Variants in LAMC3 observed in about 807,000 individuals in gnomAD.
LAMC3 encodes laminin subunit gamma-3.
Under a neutral mutation model 173.8 loss-of-function variants are expected in LAMC3, and 128 were observed. That is an observed-to-expected ratio of 0.74 (90% confidence interval 0.64 to 0.85). The LOEUF (loss-of-function observed/expected upper bound fraction) is 0.85. Among genes scored for constraint, LAMC3 ranks in the 40% least tolerant of loss-of-function variants. LAMC3 has a pLI of 0.00. For missense variants in LAMC3, 2,022 were observed against 2,156.0 expected (o/e 0.94, Z 1.23); for synonymous variants, 897 against 909.1 (o/e 0.99, Z 0.24).
chr9:131,033,830 C>T (rs1192601267), intron 3 of LAMC3, among the ~76,000 whole-genome samples: 1 of 152,038 alleles, frequency 6.6e-6, no homozygotes, highest in East Asian at 1.9e-4. Flanking sequence ...GGGGATGACA[C>T]TGGACTCTGG....
At chr9:131,015,941 A>T (rs1317958128) in intron 1 of LAMC3, among the ~76,000 whole-genome samples, 4 of 152,234 alleles carry the variant, frequency 2.6e-5, no homozygotes, top group Non-Finnish European at 5.9e-5. Flanking sequence ...TACAGGCGTG[A>T]GCCACGGCAC....
At chr9:131,086,754 G>A (rs771668469) in intron 25 of LAMC3, among the ~76,000 whole-genome samples, 3 of 151,806 alleles carry the variant, frequency 2.0e-5, no homozygotes, top group Non-Finnish European at 2.9e-5. Context: ...GCCGGGCATG[G>A]TGGCTCGCAC....
Position 131,032,315 on chromosome 9 carries a change from C to T in LAMC3, c.809+140C>T, listed in dbSNP as rs1001601674. The stretch of plus-strand genomic sequence containing the variant: ...GGAGAGGGAGGGAGCACCTGCCATT[C>T]GAGGCCCTGGGGGTCCACACCCAGC... On this transcript the variant is annotated intron_variant, in intron 3 of 27. Transcript: ENST00000361069. 54 of 790,896 alleles carry T rather than the reference C, an allele frequency of 6.8e-5. 1 individual carries two copies. The highest frequency in any genetic ancestry group is 5.6e-4 in the South Asian group (37 of 66,404). 49.0% of individuals were successfully genotyped at this position (790,896 alleles called of 1,614,324 possible).
At chr9:131,069,411 A>G (rs1830000281) in intron 16 of LAMC3, among the ~76,000 whole-genome samples, 1 of 152,150 alleles carries the variant, frequency 6.6e-6, no homozygotes, top group Non-Finnish European at 1.5e-5. Context: ...CCTCACCTGT[A>G]GAGTTGGGCT....
chr9:131,025,554 G>T (rs949493726), intron 1 of LAMC3, among the ~76,000 whole-genome samples: 6 of 152,254 alleles, frequency 3.9e-5, no homozygotes, highest in Non-Finnish European at 7.4e-5. Flanking sequence ...GGGCTCAGGA[G>T]GGGGCCAAGG....
rs558668704 is a variant in LAMC3 at position 131,045,674 on chromosome 9, C to T, written c.1519+14C>T. 1.2e-6 allele frequency: 2 copies of T among 1,613,932 alleles called. No individual in the cohort carries two copies. Among genetic ancestry groups the T allele is most frequent in the Non-Finnish European group, 1.7e-6 (2 of 1,180,004 alleles). On this transcript the variant is annotated intron_variant, in intron 8 of 27. Transcript: ENST00000361069. The stretch of plus-strand genomic sequence containing the variant: ...ATTTCCACCAGGGTAAGAGATGCTC[C>T]CTGCAAACGCCTCCCAAGGGTCTGC...
chr9:131,040,537 G>A (rs1834030552), intron 6 of LAMC3, among the ~76,000 whole-genome samples: 1 of 152,152 alleles, frequency 6.6e-6, no homozygotes, highest in Non-Finnish European at 1.5e-5. Context: ...ATATTTGAGA[G>A]GCAGCAGAAA....
intron 1 of LAMC3, among the ~76,000 whole-genome samples, chr9:131,025,093 T>C (rs1030141872): frequency 1.3e-5 from 2 of 152,126 alleles, no homozygotes; most frequent in South Asian, 4.1e-4. Flanking sequence ...CCGCTCTCAG[T>C]GTAGAAGCCA....
chr9:131,045,766 G>A, intron 8 of LAMC3, 106 bp downstream of exon 8: 3 of 1,396,606 alleles, frequency 2.1e-6, no homozygotes, highest in African/African-American at 1.4e-5. Flanking sequence ...ATTGTGGAGA[G>A]GAGCCACAGG....
intron 4 of LAMC3, among the ~76,000 whole-genome samples, chr9:131,038,483 A>G (rs938320072): frequency 1.3e-5 from 2 of 152,128 alleles, no homozygotes; most frequent in African/African-American, 4.8e-5. Context: ...CAATAGTGAG[A>G]GTCACACTAT....
At chr9:131,045,864 C>T (rs2277154) in intron 8 of LAMC3, among the ~76,000 whole-genome samples, 7 of 152,116 alleles carry the variant, frequency 4.6e-5, no homozygotes, top group African/African-American at 1.2e-4. Context: ...GTCCCTGACT[C>T]TTCTCTTTAT....
At chr9:131,044,078 C>G (rs1834104341) in intron 7 of LAMC3, among the ~76,000 whole-genome samples, 1 of 151,556 alleles carries the variant, frequency 6.6e-6, no homozygotes, top group Non-Finnish European at 1.5e-5. Context: ...CCTGCCTCAG[C>G]CTCCTAAGTA....
chr9:131,048,933 C>G, intron 8 of LAMC3, 87 bp from the exon 9 acceptor site: 1 of 752,654 alleles, frequency 1.3e-6, no homozygotes, highest in South Asian at 1.8e-5. Flanking sequence ...CTCCCTCCTA[C>G]CCCAGGGCCC....
chr9:131,033,783 C>T lies in LAMC3; in HGVS notation c.809+1608C>T, dbSNP rs142873465. Among the ~76,000 whole-genome samples the T allele has an allele frequency of 6.1e-3, 921 of 152,188 alleles. 9 individuals carry two copies. The highest frequency in any genetic ancestry group is 0.01 in the Non-Finnish European group (685 of 68,010). The stretch of plus-strand genomic sequence containing the variant: ...AACGCGACTGAGGATGGAAACGCAG[C>T]TCTGTGTGTGAACCATGGGCCATGG... On this transcript the variant is annotated intron_variant, in intron 3 of 27. Transcript: ENST00000361069.
chr9:131,083,214 G>A (rs1280549016), intron 24 of LAMC3, among the ~76,000 whole-genome samples: 2 of 152,106 alleles, frequency 1.3e-5, no homozygotes, highest in Non-Finnish European at 2.9e-5. Flanking sequence ...CTCCAACAAT[G>A]GGGGGCTCAC....
At chr9:131,060,073 G>T (rs1000746950) in intron 12 of LAMC3, among the ~76,000 whole-genome samples, 1 of 152,124 alleles carries the variant, frequency 6.6e-6, no homozygotes. Context: ...AGGTGCAGTC[G>T]GCCTGGGGAA....
intron 4 of LAMC3, 36 bp downstream of exon 4, chr9:131,036,368 G>A (rs1245391117): frequency 1.1e-5 from 17 of 1,611,512 alleles, no homozygotes; most frequent in Middle Eastern, 1.6e-4. Context: ...TCAGGGACCC[G>A]AGGCTGGTGT....
intron 13 of LAMC3, among the ~76,000 whole-genome samples, chr9:131,062,958 G>A (rs1829860300): frequency 6.6e-6 from 1 of 151,740 alleles, no homozygotes; most frequent in Non-Finnish European, 1.5e-5. Flanking sequence ...CTGTCTCTAT[G>A]AATTTGACTG....
At chr9:131,045,231 A>ACAACAAC (rs61161785) in intron 7 of LAMC3, among the ~76,000 whole-genome samples, 10 of 117,786 alleles carry the variant, frequency 8.5e-5, no homozygotes, top group South Asian at 2.7e-4. Flanking sequence ...CAAAAAAAAA[A>ACAACAAC]AAAAACAACA....
Sources: gnomAD v4.1 joint callset for allele counts (sites outside exome capture counted in the v4.1 genomes callset) on GRCh38, gnomAD v4.1.1 for gene constraint, MANE v1.5 for transcripts, NCBI Gene and HGNC (gene_info 2026-07-23, HGNC 2026-07-21) for gene names.